Variants in PTPRG observed in about 807,000 individuals in gnomAD.
PTPRG encodes protein tyrosine phosphatase receptor type G, also known as receptor-type tyrosine-protein phosphatase gamma.
Under a neutral mutation model 165.3 loss-of-function variants are expected in PTPRG, and 102 were observed. The observed-to-expected ratio is 0.62, with a 90% CI of 0.53 to 0.73. The LOEUF (loss-of-function observed/expected upper bound fraction) is 0.73. PTPRG is among the 30% of genes least tolerant of loss of function. PTPRG has a pLI of 0.00. For synonymous variants in PTPRG, 675 were observed against 669.5 expected (o/e 1.01, Z -0.13); for missense variants, 1,866 against 1,861.4 (o/e 1.00, Z -0.05).
chr3:61,948,096 G>A (rs1013411610), intron 2 of PTPRG, among the ~76,000 whole-genome samples: 2 of 152,068 alleles, frequency 1.3e-5, no homozygotes, highest in Admixed American at 6.5e-5. Context: ...AGGTGGAGGC[G>A]GGTGGATCAC....
intron 4 of PTPRG, among the ~76,000 whole-genome samples, chr3:62,047,328 C>T (rs536864142): frequency 2.8e-4 from 43 of 152,022 alleles, no homozygotes; most frequent in Non-Finnish European, 5.0e-4. Context: ...GGCATGATCT[C>T]AGCTCGCTGC....
chr3:61,853,737 A>C (rs1575723804), intron 2 of PTPRG, among the ~76,000 whole-genome samples: 2 of 152,218 alleles, frequency 1.3e-5, no homozygotes, highest in East Asian at 3.8e-4. Flanking sequence ...TAAGATGCAG[A>C]GTGCTAGGAA....
chr3:61,633,013 A>G (rs1701810997), intron 1 of PTPRG, among the ~76,000 whole-genome samples: 1 of 152,188 alleles, frequency 6.6e-6, no homozygotes, highest in Non-Finnish European at 1.5e-5. Flanking sequence ...TTACACAGAA[A>G]GAGTCATCCC....
chr3:61,745,985 A>T (rs1046569354), intron 1 of PTPRG, among the ~76,000 whole-genome samples: 7 of 152,162 alleles, frequency 4.6e-5, no homozygotes, highest in Non-Finnish European at 8.8e-5. Flanking sequence ...GCTTCAAATC[A>T]GCTTTGTCGA....
At chr3:62,059,192 T>C (rs920819381) in intron 4 of PTPRG, among the ~76,000 whole-genome samples, 1 of 152,228 alleles carries the variant, frequency 6.6e-6, no homozygotes, top group South Asian at 2.1e-4. Context: ...AGAATTGTCA[T>C]GAAGATAAAA....
intron 2 of PTPRG, among the ~76,000 whole-genome samples, chr3:61,976,270 C>T (rs1459755462): frequency 6.6e-6 from 1 of 152,136 alleles, no homozygotes; most frequent in Non-Finnish European, 1.5e-5. Context: ...TTAGCCCTGG[C>T]CTTTTGAGCA....
rs34377397 is a variant in PTPRG, at chr3:61,711,893, C to CTTT, written c.86-36970_86-36968dup. 6.8e-4 allele frequency among the ~76,000 whole-genome samples: 93 copies of CTTT among 136,006 alleles called. 2 individuals are homozygous for CTTT. The highest frequency in any genetic ancestry group is 3.6e-3 in the East Asian group (16 of 4,436). 89.2% of individuals were successfully genotyped at this position (136,006 alleles called of 152,430 possible). On this transcript the variant is annotated intron_variant, in intron 1 of 29. Coordinates refer to ENST00000474889, the MANE Select transcript of PTPRG (RefSeq NM_002841.4). ...ACAAAGTTAGTGATGTTATTATAGT[C>CTTT]TTTTTTTTTTTTTTTTTGAGACGGA...
At chr3:61,702,041 C>T (rs530243657) in intron 1 of PTPRG, among the ~76,000 whole-genome samples, 32 of 152,186 alleles carry the variant, frequency 2.1e-4, no homozygotes, top group Non-Finnish European at 3.4e-4. Context: ...TGCAGTGGCG[C>T]GATCTCGGCT....
In PTPRG at chr3:62,033,361, ATTTTTT is replaced by A. The variant is rs199968064; in HGVS notation, c.519+29879_519+29884del. On this transcript the variant is annotated intron_variant, in intron 4 of 29. Coordinates refer to ENST00000474889, the MANE Select transcript of PTPRG (RefSeq NM_002841.4). ...ATCTACTCTCAACTGCTCCCTATAC[ATTTTTT>A]TTTTTTTTTTTTTTGAGACAGGGTC... Among the ~76,000 whole-genome samples the A allele has an allele frequency of 1.3e-3, 156 of 124,330 alleles. 2 individuals are homozygous for A. The highest frequency in any genetic ancestry group is 4.1e-3 in the Middle Eastern group (1 of 244). The allele number at this position is 124,330 out of a possible 152,430, so 81.6% of individuals were successfully genotyped here.
intron 17 of PTPRG, among the ~76,000 whole-genome samples, chr3:62,265,329 T>C (rs537459748): frequency 6.6e-6 from 1 of 152,374 alleles, no homozygotes; most frequent in East Asian, 1.9e-4. Flanking sequence ...TGAATTGTAC[T>C]ACTGTACTGC....
At chr3:61,718,213 C>CAAAAAA (rs376955925) in intron 1 of PTPRG, among the ~76,000 whole-genome samples, 1 of 102,444 alleles carries the variant, frequency 9.8e-6, no homozygotes. Context: ...AAACAAAAAC[C>CAAAAAA]AAAAAAAAAA....
intron 1 of PTPRG, among the ~76,000 whole-genome samples, chr3:61,681,463 C>T (rs1041178162): frequency 3.3e-5 from 5 of 152,172 alleles, no homozygotes; most frequent in East Asian, 1.9e-4. Context: ...GACTGGATCT[C>T]GTAATCTATT....
rs763767189 is a variant in PTPRG at position 62,203,378 on chromosome 3, C to T, written c.1583C>T (p.Ser528Phe). The change falls in exon 12 of 30, where the codon TCT (serine) becomes TTT (phenylalanine). Residue 528 changes from serine to phenylalanine, a missense_variant. By Grantham distance (155) the Ser-to-Phe change is radical. Transcript: ENST00000474889. The surrounding 1 kb of genome is among the most constrained non-coding windows in gnomAD (Gnocchi z 6.4). ...GGGTTCGGCGGTGGTGGCATCTCCT[C>T]TTTCCCCAGCACTGTGTGGCCCACG... ...GLGFGGGGIS[S>F]FPSTVWPTRL... 2.1e-5 allele frequency: 34 copies of T among 1,613,198 alleles called. No homozygotes were observed. Among genetic ancestry groups the T allele is most frequent in the Non-Finnish European group, 2.6e-5 (31 of 1,179,736 alleles).
intron 1 of PTPRG, among the ~76,000 whole-genome samples, chr3:61,577,499 C>T (rs966442395): frequency 2.0e-5 from 3 of 151,914 alleles, no homozygotes; most frequent in African/African-American, 7.3e-5. Flanking sequence ...ATTTCAAAGA[C>T]AAATGAAAAA....
chr3:61,835,306 G>A (rs191448625), intron 2 of PTPRG, among the ~76,000 whole-genome samples: 65 of 152,174 alleles, frequency 4.3e-4, no homozygotes, highest in African/African-American at 1.5e-3. Context: ...TCCTGCTCCA[G>A]CCTCCTTTGT....
chr3:61,620,691 C>A (rs534781265), intron 1 of PTPRG, among the ~76,000 whole-genome samples: 1 of 151,742 alleles, frequency 6.6e-6, no homozygotes, highest in African/African-American at 2.4e-5. Context: ...TGCAATAGTG[C>A]GATTTTGGCT....
At chr3:62,010,726 T>C (rs911664859) in intron 4 of PTPRG, among the ~76,000 whole-genome samples, 1 of 152,232 alleles carries the variant, frequency 6.6e-6, no homozygotes, top group East Asian at 1.9e-4. Context: ...TTTAGCATCT[T>C]TATGAACTTG....
intron 2 of PTPRG, among the ~76,000 whole-genome samples, chr3:61,816,985 T>A (rs1181185238): frequency 3.8e-5 from 5 of 132,252 alleles, no homozygotes; most frequent in Admixed American, 8.9e-5. Context: ...TATATATATA[T>A]TATATATATA....
At chr3:62,177,732 T>C (rs1171346640) in intron 8 of PTPRG, among the ~76,000 whole-genome samples, 1 of 152,146 alleles carries the variant, frequency 6.6e-6, no homozygotes, top group African/African-American at 2.4e-5. Context: ...GTCCCACCTC[T>C]GTACCTAACT....
Sources: allele counts gnomAD v4.1 joint callset (sites outside exome capture counted in the v4.1 genomes callset), GRCh38; gene constraint gnomAD v4.1.1; non-coding constraint Gnocchi (gnomAD v3.1); transcripts MANE v1.5; gene names NCBI Gene and HGNC (gene_info 2026-07-23, HGNC 2026-07-21).